ADGRL2: variants seen among roughly 807,000 people sequenced by gnomAD.
ADGRL2 encodes adhesion G protein-coupled receptor L2, also known as calcium-independent alpha-latrotoxin receptor 2.
In ADGRL2, 44 loss-of-function variants were observed where a neutral mutation model predicts 157.4. The observed-to-expected ratio is 0.28, with a 90% CI of 0.22 to 0.36. The LOEUF (loss-of-function observed/expected upper bound fraction) is 0.36, where lower values mean the gene tolerates loss of function less well. Among genes scored for constraint, ADGRL2 ranks in the 10% least tolerant of loss-of-function variants. The pLI, the probability that ADGRL2 is intolerant of heterozygous loss-of-function variation, is 1.00. For missense variants in ADGRL2, 1,510 were observed against 1,768.9 expected, an observed-to-expected ratio of 0.85 and a Z score of 2.63; for synonymous variants, 585 against 624.7, an observed-to-expected ratio of 0.94 and a Z score of 0.95.
At chr1:81,932,923 A>T (rs1320955937) in intron 3 of ADGRL2, among the ~76,000 whole-genome samples, 1 of 152,298 alleles carries the variant, frequency 6.6e-6, no homozygotes, top group Non-Finnish European at 1.5e-5. Flanking sequence ...GCTGGTCTCC[A>T]AATCCCGACC....
intron 2 of ADGRL2, among the ~76,000 whole-genome samples, chr1:81,764,321 G>T (rs888590423): frequency 6.6e-6 from 1 of 150,998 alleles, no homozygotes; most frequent in Non-Finnish European, 1.5e-5. Context: ...GAATATTTTT[G>T]ATATTAAAAA....
chr1:81,400,625 TG>T (rs2076736336), intron 1 of ADGRL2, among the ~76,000 whole-genome samples: 1 of 151,956 alleles, frequency 6.6e-6, no homozygotes. Context: ...TACATAATGG[TG>T]ATTCTAGAGC....
At chr1:81,497,133 T>G (rs985104543) in intron 2 of ADGRL2, among the ~76,000 whole-genome samples, 1 of 152,188 alleles carries the variant, frequency 6.6e-6, no homozygotes, top group Non-Finnish European at 1.5e-5. Context: ...CAAGATTTTT[T>G]GCCATAACAC....
intron 1 of ADGRL2, among the ~76,000 whole-genome samples, chr1:81,742,511 A>C (rs2085105870): frequency 6.6e-6 from 1 of 152,080 alleles, no homozygotes; most frequent in East Asian, 1.9e-4. Context: ...ATTTAAAATC[A>C]AGTGTGTTAT....
At chr1:81,719,432 C>G (rs1220900306) in intron 1 of ADGRL2, among the ~76,000 whole-genome samples, 1 of 152,192 alleles carries the variant, frequency 6.6e-6, no homozygotes, top group Non-Finnish European at 1.5e-5. Context: ...GCCAGAACAT[C>G]AGGTTTCTCA....
At chr1:81,855,256 T>C (rs2093162874) in intron 2 of ADGRL2, among the ~76,000 whole-genome samples, 1 of 151,800 alleles carries the variant, frequency 6.6e-6, no homozygotes, top group African/African-American at 2.4e-5. Context: ...CTGGGTAACA[T>C]AGATAAGACC....
At chr1:81,330,512 G>A (rs1661200348) in intron 1 of ADGRL2, among the ~76,000 whole-genome samples, 1 of 152,138 alleles carries the variant, frequency 6.6e-6, no homozygotes, top group African/African-American at 2.4e-5. Flanking sequence ...TACTTGATCA[G>A]AGTCAAAGTA....
At chr1:81,490,570 A>C (rs563204753) in intron 2 of ADGRL2, among the ~76,000 whole-genome samples, 1 of 152,352 alleles carries the variant, frequency 6.6e-6, no homozygotes, top group Non-Finnish European at 1.5e-5. Context: ...CTCATTAGCC[A>C]GCAAGAAACT....
At chr1:81,496,127 G>A (rs2078724992) in intron 2 of ADGRL2, among the ~76,000 whole-genome samples, 1 of 152,204 alleles carries the variant, frequency 6.6e-6, no homozygotes, top group Non-Finnish European at 1.5e-5. Flanking sequence ...GGAAGCAGAT[G>A]GTTAAATAAC....
intron 3 of ADGRL2, among the ~76,000 whole-genome samples, chr1:81,627,485 A>C (rs757782309): frequency 4.6e-5 from 7 of 152,142 alleles, no homozygotes; most frequent in Non-Finnish European, 7.4e-5. Flanking sequence ...ATTTACTGAG[A>C]GTTTACTATG....
chr1:81,326,817 C>T (rs1395670883), intron 1 of ADGRL2, among the ~76,000 whole-genome samples: 1 of 152,126 alleles, frequency 6.6e-6, no homozygotes, highest in African/African-American at 2.4e-5. Flanking sequence ...ACCATTACAT[C>T]CTGAACCGTC....
chr1:81,336,553 T>C (rs1367727799), intron 1 of ADGRL2, among the ~76,000 whole-genome samples: 1 of 152,118 alleles, frequency 6.6e-6, no homozygotes, highest in African/African-American at 2.4e-5. Context: ...GGATCGCCAA[T>C]GTGAAGTGCA....
At chr1:81,990,329 A>C in intron 23 of ADGRL2, 62 bp from the exon 24 acceptor site, 1 of 1,549,394 alleles carries the variant, frequency 6.5e-7, no homozygotes, top group Non-Finnish European at 8.7e-7. Flanking sequence ...TGTACAAAAG[A>C]AATAGAGTTT....
chr1:81,469,009 G>C (rs1253619075), intron 2 of ADGRL2, among the ~76,000 whole-genome samples: 2 of 152,146 alleles, frequency 1.3e-5, no homozygotes, highest in African/African-American at 4.8e-5. Flanking sequence ...ATCACGAGAT[G>C]ACTTCTGTCC....
intron 1 of ADGRL2, among the ~76,000 whole-genome samples, chr1:81,702,667 C>T (rs1312350010): frequency 6.6e-6 from 1 of 152,054 alleles, no homozygotes; most frequent in Non-Finnish European, 1.5e-5. Flanking sequence ...AAACAAATTT[C>T]CAAAATATGT....
At chr1:81,833,785 G>A (rs1254002638) in intron 1 of ADGRL2, among the ~76,000 whole-genome samples, 4 of 152,174 alleles carry the variant, frequency 2.6e-5, no homozygotes, top group African/African-American at 9.7e-5. Context: ...TGTATAAAAC[G>A]TTGAGGGCTG....
At chr1:81,666,382 G>T (rs890702876) in intron 3 of ADGRL2, among the ~76,000 whole-genome samples, 1 of 152,162 alleles carries the variant, frequency 6.6e-6, no homozygotes, top group African/African-American at 2.4e-5. Context: ...ATACAAGGAG[G>T]ATGCTGCTAA....
intron 2 of ADGRL2, among the ~76,000 whole-genome samples, chr1:81,450,867 G>C (rs1356180902): frequency 2.0e-5 from 3 of 152,054 alleles, no homozygotes; most frequent in Non-Finnish European, 2.9e-5. Context: ...TAATGACTTA[G>C]AGTCCCCCCA....
chr1:81,852,089 A>T (rs188756711), intron 2 of ADGRL2, among the ~76,000 whole-genome samples: 16 of 152,178 alleles, frequency 1.1e-4, no homozygotes, highest in Admixed American at 2.6e-4. Flanking sequence ...TTCAGCATGG[A>T]TTTGAGGTTT....
Sources: gnomAD v4.1 joint callset for allele counts (sites outside exome capture counted in the v4.1 genomes callset) on GRCh38, gnomAD v4.1.1 for gene constraint, MANE v1.5 for transcripts, NCBI Gene and HGNC (gene_info 2026-07-23, HGNC 2026-07-21) for gene names.